TTN: variants seen among roughly 807,000 people sequenced by gnomAD.
The protein encoded by TTN is titin, also known as connectin.
Under a neutral mutation model 3,223.0 loss-of-function variants are expected in TTN, and 1,525 were observed. That is an observed-to-expected ratio of 0.47 (90% CI 0.45 to 0.49). The LOEUF (loss-of-function observed/expected upper bound fraction) is 0.49. Among genes scored for constraint, TTN ranks in the 20% least tolerant of loss-of-function variants. The probability of loss-of-function intolerance (pLI) is 0.00; values close to 1 mark genes in which losing one functional copy is unlikely to be tolerated. For missense variants in TTN, 40,786 were observed against 43,424.0 expected (o/e 0.94, Z 5.40); for synonymous variants, 14,094 against 15,161.0 (o/e 0.93, Z 5.17).
Position 178,730,942 on chromosome 2 carries a change from G to T in TTN, c.17723C>A (p.Ala5908Asp). ...ATACCAACCTAATACATTAATTCTA[G>T]CCTTGCAGCTGCTCCTCCCAACATC... Reference protein sequence around the residue: ...QNDVGRSSCKARINVLDLIIP... With the variant: ...QNDVGRSSCKDRINVLDLIIP... Residue 5908 changes from alanine (A) to aspartate (D), a missense_variant, in exon 60 of 363, where the codon GCT becomes GAT. Coordinates refer to ENST00000589042, the MANE Select transcript of TTN (RefSeq NM_001267550.2). 6.2e-7 allele frequency: 1 copy of T among 1,605,732 alleles called. No homozygotes were observed. The highest frequency in any genetic ancestry group is 8.5e-7 in the Non-Finnish European group (1 of 1,175,228).
At chr2:178,701,331 A>G (rs1172755962) in intron 110 of TTN, 128 bp from the exon 111 acceptor site, 29 of 1,035,928 alleles carry the variant, frequency 2.8e-5, no homozygotes, top group Non-Finnish European at 3.8e-5. Flanking sequence ...AGTCGGAACA[A>G]ATAAAAGTAG....
chr2:178,749,980 A>C (rs2084942668), intron 47 of TTN: 1 of 1,613,078 alleles, frequency 6.2e-7, no homozygotes, highest in African/African-American at 1.3e-5. Context: ...TTGGTGATTG[A>C]GTAACTTGAT....
In TTN at chr2:178,549,595, A is replaced by C; in HGVS notation, c.92127T>G (p.Asp30709Glu). The C allele has an allele frequency of 6.2e-7, 1 of 1,613,300 alleles. No homozygotes were observed. The highest frequency in any genetic ancestry group is 8.5e-7 in the Non-Finnish European group (1 of 1,179,320). ...KFGVGRPLDSDPVVAQIQYTV... is the reference protein window; with the variant it reads ...KFGVGRPLDSEPVVAQIQYTV... ...TATATTGTATTTGAGCAACCACTGGATCAGAATCAAGTGGCCTGCCAACAC... is the reference window on the plus strand; with the variant it reads ...TATATTGTATTTGAGCAACCACTGGCTCAGAATCAAGTGGCCTGCCAACAC... The change falls in exon 338 of 363, where the codon GAT becomes GAG. Residue 30709 changes from aspartate to glutamate, a missense_variant. Asp to Glu is a conservative substitution (Grantham distance 45, BLOSUM62 2). Transcript: ENST00000589042.
intron 28 of TTN, 45 bp downstream of exon 28, chr2:178,775,311 T>C: frequency 6.2e-7 from 1 of 1,612,704 alleles, no homozygotes; most frequent in Non-Finnish European, 8.5e-7. Context: ...ATGGATATTC[T>C]TGAATACAAA....
In TTN at chr2:178,758,616, T is replaced by C. The variant is rs549948869; in HGVS notation, c.10303+368A>G. ...CATGATAGGAGGATGATAACACTCT[T>C]AGATGTTTTTAAAATTTAATTTTTA... is the stretch of plus-strand genomic sequence containing the variant. On this transcript the variant is annotated intron_variant, in intron 44 of 362. Coordinates refer to ENST00000589042, the MANE Select transcript of TTN (RefSeq NM_001267550.2). 9.6e-5 allele frequency: 30 copies of C among 311,146 alleles called. No individual in the cohort carries two copies. In the East Asian group the frequency reaches 1.6e-3, roughly 17 times the overall value. 19.3% of individuals were successfully genotyped at this position (311,146 alleles called of 1,614,324 possible). A position where few individuals can be genotyped will look rare whatever the true frequency, so the allele number is the denominator to read the frequency against.
In TTN at chr2:178,701,176, A is replaced by T. The variant is rs1485781791; in HGVS notation, c.30626T>A (p.Ile10209Asn). The change falls in exon 111 of 363, where the codon ATC becomes AAC. Residue 10209 changes from isoleucine to asparagine, a missense_variant. By Grantham distance (149) the Ile-to-Asn change is moderately radical (BLOSUM62 -3). Transcript: ENST00000589042. ...EEIPPVVAPPIPLLLPTPEEK... is the reference protein window; with the variant it reads ...EEIPPVVAPPNPLLLPTPEEK... Reference sequence around the variant, plus strand: ...TTCGGGTGTTGGTAGCAAAAGGGGGATAGGAGGAGCAACCACAGGAGGGAT... The same window carrying T: ...TTCGGGTGTTGGTAGCAAAAGGGGGTTAGGAGGAGCAACCACAGGAGGGAT... 7 of 1,613,406 alleles carry T rather than the reference A, an allele frequency of 4.3e-6. No homozygotes were observed. The highest frequency in any genetic ancestry group is 5.9e-6 in the Non-Finnish European group (7 of 1,179,632).
chr2:178,719,646 G>T lies in TTN; in HGVS notation c.23846C>A (p.Pro7949His). 1 of 1,613,686 alleles carries T rather than the reference G, an allele frequency of 6.2e-7. No individual in the cohort carries two copies. The highest frequency in any genetic ancestry group is 8.5e-7 in the Non-Finnish European group (1 of 1,179,706). Residue 7949 changes from proline to histidine, a missense_variant, in exon 82 of 363, where the codon CCC becomes CAC. Pro to His is a moderately conservative substitution (Grantham distance 77). Coordinates refer to ENST00000589042, the MANE Select transcript of TTN (RefSeq NM_001267550.2). Reference sequence around the variant, plus strand: ...TCCTTTGTCACTCATTTCGGCACAGGGGATTTTAAGGGAAGCCACTTTATT... The same window carrying T: ...TCCTTTGTCACTCATTTCGGCACAGTGGATTTTAAGGGAAGCCACTTTATT... ...FINKVASLKIPCAEMSDKGLY... is the reference protein window; with the variant it reads ...FINKVASLKIHCAEMSDKGLY...
Position 178,548,898 on chromosome 2 carries a change from C to T in TTN, c.92728G>A (p.Val30910Met), listed in dbSNP as rs1698264334. 6.2e-7 allele frequency: 1 copy of T among 1,613,892 alleles called. No homozygotes were observed. Among genetic ancestry groups the T allele is most frequent in the South Asian group, 1.1e-5 (1 of 91,082 alleles). Residue 30910 changes from valine (V) to methionine (M), a missense_variant, in exon 339 of 363, where the codon GTG becomes ATG. By Grantham distance (21) the Val-to-Met change is conservative (BLOSUM62 1). Coordinates refer to ENST00000589042, the MANE Select transcript of TTN (RefSeq NM_001267550.2). This position sits in a 1 kb window ranked among gnomAD's most constrained non-coding sequence, Gnocchi z 4.3. ...TCAACTGCTTTAATTGTGCCAGTCA[C>T]TTCACAGCTGTCGCCTTTTCCAGCA... is the stretch of plus-strand genomic sequence containing the variant. Reference protein sequence around the residue: ...NGAGKGDSCEVTGTIKAVDRL... With the variant: ...NGAGKGDSCEMTGTIKAVDRL...
Position 178,585,240 on chromosome 2 carries a change from T to C in TTN, c.64504A>G (p.Lys21502Glu), listed in dbSNP as rs1199736147. The C allele has an allele frequency of 1.9e-6, 3 of 1,613,334 alleles. No homozygotes were observed. The East Asian group carries it at 6.7e-5, about 36-fold the overall frequency. The change falls in exon 309 of 363, where the codon AAA becomes GAA. Residue 21502 changes from lysine to glutamate, a missense_variant. Coordinates refer to ENST00000589042, the MANE Select transcript of TTN (RefSeq NM_001267550.2). ...GKPHPTCKWK[K>E]GEDEVVTSSH... ...GATGTGACAACTTCATCTTCTCCTT[T>C]TTTCCATTTACAGGTGGGATGAGGC... is the stretch of plus-strand genomic sequence containing the variant.
chr2:178,751,509 T>A (rs1481861789), intron 47 of TTN: 1 of 1,613,416 alleles, frequency 6.2e-7, no homozygotes, highest in South Asian at 1.1e-5. Flanking sequence ...TCAACCTTTA[T>A]CCTATCTTCT....
Position 178,567,642 on chromosome 2 carries a change from T to C in TTN, c.78490A>G (p.Ile26164Val), listed in dbSNP as rs764140362. ...ATTGCACCAGCTGCATTCTTTGCAA[T>C]GACTCTGAATTCATATCTTTGATCT... is the stretch of plus-strand genomic sequence containing the variant. ...TEDQRYEFRVIAKNAAGAISK... is the reference protein window; with the variant it reads ...TEDQRYEFRVVAKNAAGAISK... The change falls in exon 326 of 363, where the codon ATT becomes GTT. Residue 26164 changes from isoleucine to valine, a missense_variant. Coordinates refer to ENST00000589042, the MANE Select transcript of TTN (RefSeq NM_001267550.2). The C allele has an allele frequency of 1.2e-6, 2 of 1,612,386 alleles. No homozygotes were observed. The highest frequency in any genetic ancestry group is 1.7e-5 in the Admixed American group (1 of 59,926).
At chr2:178,703,045 A>T (rs2075271951) in intron 106 of TTN, among the ~76,000 whole-genome samples, 1 of 152,238 alleles carries the variant, frequency 6.6e-6, no homozygotes, top group South Asian at 2.1e-4. Flanking sequence ...TTGCCTCAGT[A>T]AAATAATTTT....
At position 178,577,870 on chromosome 2, in the gene TTN, G is replaced by T. The variant is rs780727295; in HGVS notation, c.68556C>A (p.Asn22852Lys). ...TGAGAGTCACTGAATTCCTTGTTATGTTAATAACCTCAGGTTTTCCAGGAG... is the reference window on the plus strand; with the variant it reads ...TGAGAGTCACTGAATTCCTTGTTATTTTAATAACCTCAGGTTTTCCAGGAG... The part of the protein sequence containing the change: ...IDPPGKPEVI[N>K]ITRNSVTLIW... The change falls in exon 323 of 363, where the codon AAC (asparagine) becomes AAA (lysine). Residue 22852 changes from asparagine to lysine, a missense_variant. Asn to Lys is a moderately conservative substitution (Grantham distance 94). Transcript: ENST00000589042. 2 of 1,591,062 alleles carry T rather than the reference G, an allele frequency of 1.3e-6. No individual in the cohort carries two copies. Among genetic ancestry groups the T allele is most frequent in the East Asian group, 4.5e-5 (2 of 44,458 alleles).
At chr2:178,677,165 G>T (rs1260321660) in intron 147 of TTN, 36 bp downstream of exon 147, 1 of 1,194,726 alleles carries the variant, frequency 8.4e-7, no homozygotes, top group South Asian at 4.2e-5. Flanking sequence ...ACCAAGCTAT[G>T]GGTGAACAAT....
In TTN at chr2:178,683,253, C is replaced by G. The variant is rs1380821846; in HGVS notation, c.32845G>C (p.Val10949Leu). ...FRKRVVKEEK[V>L]SIEAPKREPQ... ...TCTCTTTTTGGAGCTTCAATTGATACTTTTTCTTCTTTAACCACTCTTTTT... is the reference window on the plus strand; with the variant it reads ...TCTCTTTTTGGAGCTTCAATTGATAGTTTTTCTTCTTTAACCACTCTTTTT... Residue 10949 changes from valine to leucine, a missense_variant, in exon 134 of 363, where the codon GTA becomes CTA. Coordinates refer to ENST00000589042, the MANE Select transcript of TTN (RefSeq NM_001267550.2). The G allele has an allele frequency of 6.4e-7, 1 of 1,551,276 alleles. No individual in the cohort carries two copies.
Position 178,756,237 on chromosome 2 carries a change from G to C in TTN, c.11239C>G (p.Leu3747Val). ...DCGERTTSAV[L>V]SVEGAPESIL... ...ATCAATTAACCACCTTCTACACTTAGTACTGCTGACGTTGTCCTCTCTCCA... is the reference window on the plus strand; with the variant it reads ...ATCAATTAACCACCTTCTACACTTACTACTGCTGACGTTGTCCTCTCTCCA... The change falls in exon 46 of 363, where the codon CTA becomes GTA. Residue 3747 changes from leucine (L) to valine (V), a missense_variant. Leu to Val is a conservative substitution (Grantham distance 32). Transcript: ENST00000589042. The C allele has an allele frequency of 6.2e-7, 1 of 1,610,518 alleles. No homozygotes were observed. The highest frequency in any genetic ancestry group is 1.1e-5 in the South Asian group (1 of 90,916).
chr2:178,576,679 C>T lies in TTN; in HGVS notation c.69565G>A (p.Ala23189Thr). 6.2e-7 allele frequency: 1 copy of T among 1,613,544 alleles called. No homozygotes were observed. Among genetic ancestry groups the T allele is most frequent in the Non-Finnish European group, 8.5e-7 (1 of 1,179,610 alleles). ...REKKSLRWVRAIKTPVSDLRC... is the reference protein window; with the variant it reads ...REKKSLRWVRTIKTPVSDLRC... Reference sequence around the variant, plus strand: ...AGATCGGAAACTGGTGTTTTTATTGCTCTCACCCATCGCAGGCTTTTCTTT... The same window carrying T: ...AGATCGGAAACTGGTGTTTTTATTGTTCTCACCCATCGCAGGCTTTTCTTT... The change falls in exon 325 of 363, where the codon GCA (alanine) becomes ACA (threonine). Residue 23189 changes from alanine (A) to threonine (T), a missense_variant. Physicochemically the swap from Ala to Thr is moderately conservative, Grantham distance 58 (BLOSUM62 0). Transcript: ENST00000589042. The surrounding 1 kb of genome is among the most constrained non-coding windows in gnomAD (Gnocchi z 4.3).
At chr2:178,673,870 T>C (rs768659056) in intron 151 of TTN, among the ~76,000 whole-genome samples, 160 bp from the exon 152 acceptor site, 1 of 151,790 alleles carries the variant, frequency 6.6e-6, no homozygotes, top group Non-Finnish European at 1.5e-5. Flanking sequence ...CCTAGAGGTG[T>C]AAAGGATATT....
Position 178,768,460 on chromosome 2 carries a change from T to C in TTN, c.9163+213A>G, listed in dbSNP as rs72647888. On this transcript the variant is annotated intron_variant, in intron 38 of 362. Transcript: ENST00000589042. ...ATAAATGGAATCATACAATATGTGG[T>C]CTTTGTATGGTCTCTGGCTTCTTTC... 0.054 allele frequency among the ~76,000 whole-genome samples: 8,159 copies of C among 152,300 alleles called. 361 individuals carry two copies. The highest frequency in any genetic ancestry group is 0.16 in the South Asian group (778 of 4,824).
Sources: gnomAD v4.1 joint callset for allele counts (sites outside exome capture counted in the v4.1 genomes callset) on GRCh38, gnomAD v4.1.1 for gene constraint, Gnocchi (gnomAD v3.1) non-coding constraint, MANE v1.5 for transcripts, NCBI Gene and HGNC (gene_info 2026-07-23, HGNC 2026-07-21) for gene names.